The following STON2 variants were observed in gnomAD, a reference collection of about 807,000 sequenced individuals.
STON2 encodes the protein stonin 2.
A neutral mutation model predicts 65.7 loss-of-function variants in STON2; 29 were observed. The ratio of observed to expected loss-of-function variants is 0.44; its 90% CI spans 0.33 to 0.60. The LOEUF (loss-of-function observed/expected upper bound fraction) is 0.60, where lower values mean the gene tolerates loss of function less well. Ranked by LOEUF, STON2 falls within the 20% of genes least tolerant of loss-of-function variation. The pLI is 0.03. For missense variants in STON2, 1,054 were observed against 1,118.1 expected (o/e 0.94, Z 0.82); for synonymous variants, 404 against 414.2 (o/e 0.98, Z 0.30).
intron 4 of STON2, among the ~76,000 whole-genome samples, chr14:81,338,618 C>T (rs867730140): frequency 1.3e-5 from 2 of 152,212 alleles, no homozygotes; most frequent in African/African-American, 4.8e-5. Context: ...TGACAACCTA[C>T]TACAAGCAAC....
intron 4 of STON2, among the ~76,000 whole-genome samples, chr14:81,358,934 T>A (rs74066421): frequency 0.03 from 4,623 of 152,288 alleles, 243 homozygotes; most frequent in African/African-American, 0.1. Flanking sequence ...TGCAATACAA[T>A]AATCATATCG....
chr14:81,334,868 C>A (rs1028254401), intron 4 of STON2, among the ~76,000 whole-genome samples: 1 of 152,094 alleles, frequency 6.6e-6, no homozygotes, highest in Non-Finnish European at 1.5e-5. Context: ...GACAGAGTCT[C>A]ATTCTGTCAC....
chr14:81,417,028 G>A (rs569159474), intron 2 of STON2, among the ~76,000 whole-genome samples: 1 of 152,236 alleles, frequency 6.6e-6, no homozygotes, highest in South Asian at 2.1e-4. Context: ...ATGACGCAGA[G>A]GAAAAACTAT....
At position 81,299,884 on chromosome 14, in the gene STON2, A is replaced by AAT. The variant is rs371603181; in HGVS notation, c.743-21146_743-21145insAT. Among the ~76,000 whole-genome samples, 1,368 of 149,260 alleles carry AAT rather than the reference A, an allele frequency of 9.2e-3. 19 individuals are homozygous for AAT. Among genetic ancestry groups the AAT allele is most frequent in the African/African-American group, 0.032 (1,283 of 40,526 alleles). ...TCAAAATTGTTAAGATGGAAAAAAA[A>AAT]TTTTTTTTTTTTTTAAATTGATCTA... On this transcript the variant is annotated intron_variant, in intron 5 of 7. Transcript: ENST00000614646.
chr14:81,283,880 G>A (rs7148483), intron 5 of STON2, among the ~76,000 whole-genome samples: 93,018 of 152,010 alleles, frequency 0.61, 28,972 homozygotes, highest in Non-Finnish European at 0.67. Context: ...AAGTCTGTCA[G>A]CACCATCTTT....
chr14:81,413,433 A>C (rs1480454034), intron 2 of STON2, among the ~76,000 whole-genome samples: 1 of 140,538 alleles, frequency 7.1e-6, no homozygotes, highest in African/African-American at 2.9e-5. Context: ...AATAGCCTAC[A>C]TCTGTATTTA....
rs1465060984 is a variant in STON2 at position 81,265,651 on chromosome 14, T to C, written c.*2763A>G. ...CAAGAGCGAAACTTTGTCTCAGTAA[T>C]AATAATAATAATAATAATAATAATA... On this transcript the variant is annotated 3_prime_UTR_variant, in exon 8 of 8. Transcript: ENST00000614646. The C allele has an allele frequency of 2.1e-6, 1 of 472,070 alleles. No individual in the cohort carries two copies. The highest frequency in any genetic ancestry group is 2.8e-6 in the Non-Finnish European group (1 of 361,382). The allele number at this position is 472,070 out of a possible 1,614,324, so 29.2% of individuals were successfully genotyped here. A position where few individuals can be genotyped will look rare whatever the true frequency, so the allele number is the denominator to read the frequency against.
In STON2 at chr14:81,263,814, A is replaced by C; in HGVS notation, c.*4600T>G. On this transcript the variant is annotated 3_prime_UTR_variant, in exon 8 of 8. Transcript: ENST00000614646. The stretch of plus-strand genomic sequence containing the variant: ...ATGGTAGTGCTTCCTACTTAAACCA[A>C]TTTAATATTCCCAAGGCTTTTAAGA... 1 of 985,384 alleles carries C rather than the reference A, an allele frequency of 1.0e-6. No individual in the cohort carries two copies. The allele number at this position is 985,384 out of a possible 1,614,324, so 61.0% of individuals were successfully genotyped here. A position where few individuals can be genotyped will look rare whatever the true frequency, so the allele number is the denominator to read the frequency against.
At chr14:81,322,499 G>A (rs1896856057) in intron 5 of STON2, among the ~76,000 whole-genome samples, 1 of 152,114 alleles carries the variant, frequency 6.6e-6, no homozygotes, top group African/African-American at 2.4e-5. Flanking sequence ...GGCTGATGGG[G>A]CTGCAAGCAA....
chr14:81,423,233 G>T (rs1901801361), intron 2 of STON2, among the ~76,000 whole-genome samples: 1 of 152,128 alleles, frequency 6.6e-6, no homozygotes, highest in African/African-American at 2.4e-5. Context: ...GTACAACTCA[G>T]ACTTGAAGGC....
At position 81,305,526 on chromosome 14, in the gene STON2, C is replaced by G. The variant is rs1053898352; in HGVS notation, c.742+18491G>C. ...TAGCCTCCTTTGTGAAGTACCTTTT[C>G]AAGGCTTTTGTCCATTGGGTGGTCT... On this transcript the variant is annotated intron_variant, in intron 5 of 7. Coordinates refer to ENST00000614646, the MANE Select transcript of STON2 (RefSeq NM_001394390.1). 2.0e-5 allele frequency among the ~76,000 whole-genome samples: 3 copies of G among 152,184 alleles called. No individual in the cohort carries two copies. The East Asian group carries it at 5.8e-4, about 29-fold the overall frequency.
At chr14:81,293,604 A>C (rs1371649005) in intron 5 of STON2, among the ~76,000 whole-genome samples, 1 of 152,162 alleles carries the variant, frequency 6.6e-6, no homozygotes, top group African/African-American at 2.4e-5. Context: ...GAGCTTGGCT[A>C]TGTGATTTGC....
chr14:81,359,123 T>C (rs1898379369), intron 4 of STON2, among the ~76,000 whole-genome samples: 1 of 152,182 alleles, frequency 6.6e-6, no homozygotes, highest in East Asian at 1.9e-4. Context: ...TTATCCAGTA[T>C]AGATCATATG....
chr14:81,267,218 A>G lies in STON2; in HGVS notation c.*1196T>C, dbSNP rs1894390628. 24 of 985,252 alleles carry G rather than the reference A, an allele frequency of 2.4e-5. No homozygotes were observed. Among genetic ancestry groups the G allele is most frequent in the Non-Finnish European group, 2.9e-5 (24 of 829,912 alleles). 61.0% of individuals were successfully genotyped at this position (985,252 alleles called of 1,614,324 possible). ...AGAAGATTAATTGTCCCAGAAACAG[A>G]TGAAGAAAAAGAAGATGGAGTGAGC... On this transcript the variant is annotated 3_prime_UTR_variant, in exon 8 of 8. Coordinates refer to ENST00000614646, the MANE Select transcript of STON2 (RefSeq NM_001394390.1).
chr14:81,368,550 C>T (rs1898841027), intron 4 of STON2, among the ~76,000 whole-genome samples: 1 of 152,060 alleles, frequency 6.6e-6, no homozygotes, highest in African/African-American at 2.4e-5. Context: ...TCTGTCTCTA[C>T]TAAAATAACA....
At chr14:81,275,445 G>A (rs1894776641) in intron 6 of STON2, among the ~76,000 whole-genome samples, 1 of 151,956 alleles carries the variant, frequency 6.6e-6, no homozygotes, top group South Asian at 2.1e-4. Flanking sequence ...TGAAAATCCG[G>A]TAATTCCATG....
At chr14:81,350,174 G>A (rs1014679963) in intron 4 of STON2, among the ~76,000 whole-genome samples, 4 of 152,040 alleles carry the variant, frequency 2.6e-5, no homozygotes, top group Admixed American at 1.3e-4. Context: ...ATACTACACT[G>A]TATATTTGAA....
chr14:81,271,159 T>C (rs534407571), intron 6 of STON2, among the ~76,000 whole-genome samples: 84 of 152,168 alleles, frequency 5.5e-4, no homozygotes, highest in African/African-American at 1.8e-3. Context: ...GTGAGAGTGA[T>C]ATGTGAACAC....
At chr14:81,355,700 T>C (rs1898199873) in intron 4 of STON2, among the ~76,000 whole-genome samples, 1 of 152,196 alleles carries the variant, frequency 6.6e-6, no homozygotes, top group African/African-American at 2.4e-5. Flanking sequence ...ACGTAAAAAT[T>C]ATGAAAGCAC....
Sources: allele counts gnomAD v4.1 joint callset (sites outside exome capture counted in the v4.1 genomes callset), GRCh38; gene constraint gnomAD v4.1.1; transcripts MANE v1.5; gene names NCBI Gene and HGNC (gene_info 2026-07-23, HGNC 2026-07-21).